The following CDH12 variants were observed in gnomAD, a reference collection of about 807,000 sequenced individuals.
CDH12 encodes the protein cadherin 12.
A neutral mutation model predicts 74.1 loss-of-function variants in CDH12; 41 were observed. The observed-to-expected ratio is 0.55, with a 90% CI of 0.43 to 0.72. The LOEUF is 0.72. Ranked by LOEUF, CDH12 falls within the 30% of genes least tolerant of loss-of-function variation. CDH12 has a pLI of 0.00. For missense variants in CDH12, 945 were observed against 977.2 expected (o/e 0.97, Z 0.44); for synonymous variants, 399 against 355.0 (o/e 1.12, Z -1.39).
At chr5:22,116,321 A>T (rs1745095826) in intron 4 of CDH12, among the ~76,000 whole-genome samples, 1 of 152,146 alleles carries the variant, frequency 6.6e-6, no homozygotes, top group African/African-American at 2.4e-5. Flanking sequence ...CCACAGTTGA[A>T]TTTACCTGAA....
chr5:22,587,809 A>C (rs1055333503), intron 1 of CDH12, among the ~76,000 whole-genome samples: 1 of 151,680 alleles, frequency 6.6e-6, no homozygotes, highest in African/African-American at 2.4e-5. Context: ...TTCAATAGAT[A>C]GATACTAAAG....
At chr5:22,079,836 C>T (rs1436952686) in intron 4 of CDH12, among the ~76,000 whole-genome samples, 1 of 151,836 alleles carries the variant, frequency 6.6e-6, no homozygotes, top group Admixed American at 6.6e-5. Context: ...ATCTTTGCCT[C>T]TCTAAAATCA....
intron 11 of CDH12, among the ~76,000 whole-genome samples, chr5:21,781,922 T>G (rs1362999151): frequency 1.3e-5 from 2 of 152,202 alleles, no homozygotes; most frequent in Non-Finnish European, 2.9e-5. Flanking sequence ...GACATCAAAA[T>G]GTAGTTACTT....
At chr5:22,663,586 T>A (rs1189369446) in intron 1 of CDH12, among the ~76,000 whole-genome samples, 2 of 152,200 alleles carry the variant, frequency 1.3e-5, no homozygotes, top group African/African-American at 4.8e-5. Flanking sequence ...AAAGTACTTA[T>A]CTTGAAAATG....
chr5:22,147,566 A>T (rs967291297), intron 4 of CDH12, among the ~76,000 whole-genome samples: 2 of 150,586 alleles, frequency 1.3e-5, no homozygotes, highest in Admixed American at 1.3e-4. Flanking sequence ...ATTAAGTCAT[A>T]CCTGAGACTG....
Position 22,090,488 on chromosome 5 carries a change from CAA to C in CDH12, c.-186-11628_-186-11627del, listed in dbSNP as rs57410067. Among the ~76,000 whole-genome samples, 1,274 of 130,656 alleles carry C rather than the reference CAA, an allele frequency of 9.8e-3. 13 individuals are homozygous for C. The highest frequency in any genetic ancestry group is 0.031 in the African/African-American group (1,140 of 36,790). 85.7% of individuals were successfully genotyped at this position (130,656 alleles called of 152,430 possible). A position where few individuals can be genotyped will look rare whatever the true frequency, so the allele number is the denominator to read the frequency against. On this transcript the variant is annotated intron_variant, in intron 4 of 14. Transcript: ENST00000382254. The stretch of plus-strand genomic sequence containing the variant: ...AATTAATATAAAACCTCTGTAAACT[CAA>C]AAAAAAAAAAAAGAAGTTGAGGGAA...
At chr5:21,894,232 A>T (rs1322447486) in intron 6 of CDH12, among the ~76,000 whole-genome samples, 3 of 152,040 alleles carry the variant, frequency 2.0e-5, no homozygotes, top group Admixed American at 6.6e-5. Context: ...TACAAAAATT[A>T]GCCAGGCATG....
chr5:22,778,680 G>T (rs1747233071), intron 1 of CDH12, among the ~76,000 whole-genome samples: 1 of 151,954 alleles, frequency 6.6e-6, no homozygotes, highest in African/African-American at 2.4e-5. Context: ...TTTTTAATCA[G>T]TATGTAGGAT....
At chr5:21,769,156 G>T (rs1414645729) in intron 11 of CDH12, among the ~76,000 whole-genome samples, 1 of 152,014 alleles carries the variant, frequency 6.6e-6, no homozygotes, top group South Asian at 2.1e-4. Flanking sequence ...CTAATATCAC[G>T]GTAAAAGACT....
At chr5:22,250,394 C>T (rs1396563896) in intron 3 of CDH12, among the ~76,000 whole-genome samples, 5 of 152,140 alleles carry the variant, frequency 3.3e-5, no homozygotes, top group Non-Finnish European at 4.4e-5. Flanking sequence ...CTGATTCTGG[C>T]TGGCGGCTGG....
intron 5 of CDH12, among the ~76,000 whole-genome samples, chr5:22,009,044 G>A (rs1355186069): frequency 6.6e-6 from 1 of 152,184 alleles, no homozygotes; most frequent in Non-Finnish European, 1.5e-5. Context: ...CTTGTTTACT[G>A]TCTCACACTT....
intron 2 of CDH12, among the ~76,000 whole-genome samples, chr5:22,443,131 A>G (rs1052526501): frequency 5.3e-5 from 8 of 152,162 alleles, no homozygotes; most frequent in Non-Finnish European, 1.0e-4. Flanking sequence ...GATAATGCAT[A>G]TCTACAGGAG....
At chr5:22,535,005 C>T (rs1737767120) in intron 1 of CDH12, among the ~76,000 whole-genome samples, 2 of 146,664 alleles carry the variant, frequency 1.4e-5, no homozygotes, top group East Asian at 2.0e-4. Flanking sequence ...CGGAGTCTCA[C>T]TCTGTCACCC....
In CDH12 at chr5:22,006,998, G is replaced by T. The variant is rs1225843110; in HGVS notation, c.232-31613C>A. The stretch of plus-strand genomic sequence containing the variant: ...ATAATTCATAGGCCAATATTAAAGA[G>T]AATGAACTCATGTTATTTAAAATTA... On this transcript the variant is annotated intron_variant, in intron 5 of 14. Coordinates refer to ENST00000382254, the MANE Select transcript of CDH12 (RefSeq NM_004061.5). Among the ~76,000 whole-genome samples, 5 of 151,942 alleles carry T rather than the reference G, an allele frequency of 3.3e-5. No individual in the cohort carries two copies. In the South Asian group the frequency reaches 1.0e-3, roughly 32 times the overall value.
At chr5:21,788,148 A>G (rs1254643817) in intron 10 of CDH12, among the ~76,000 whole-genome samples, 1 of 152,182 alleles carries the variant, frequency 6.6e-6, no homozygotes, top group East Asian at 1.9e-4. Flanking sequence ...AGACATGTAT[A>G]AACAGACTGT....
At position 21,981,985 on chromosome 5, in the gene CDH12, T is replaced by C. The variant is rs187647332; in HGVS notation, c.232-6600A>G. Among the ~76,000 whole-genome samples the C allele has an allele frequency of 6.0e-3, 910 of 152,282 alleles. 7 individuals carry two copies. Among genetic ancestry groups the C allele is most frequent in the Admixed American group, 9.7e-3 (149 of 15,290 alleles). On this transcript the variant is annotated intron_variant, in intron 5 of 14. Transcript: ENST00000382254. Reference sequence around the variant, plus strand: ...CACCCTGTGTGGCCAGGCCTCTTTTTAAAAATAAGCCTGATAGTTAATTTT... The same window carrying C: ...CACCCTGTGTGGCCAGGCCTCTTTTCAAAAATAAGCCTGATAGTTAATTTT...
At chr5:21,880,510 CCTCCCTCTT>C (rs1752202180) in intron 6 of CDH12, among the ~76,000 whole-genome samples, 3 of 84,810 alleles carry the variant, frequency 3.5e-5, no homozygotes, top group Non-Finnish European at 8.2e-5. Flanking sequence ...TTCCTCCCTC[CCTCCCTCTT>C]TTCTTTCTTC....
intron 5 of CDH12, among the ~76,000 whole-genome samples, chr5:22,069,333 C>T (rs1043108501): frequency 6.6e-6 from 1 of 152,068 alleles, no homozygotes; most frequent in African/African-American, 2.4e-5. Flanking sequence ...GGTGCCAATC[C>T]CTTGCAGGGC....
chr5:22,423,350 A>C (rs576953610), intron 2 of CDH12, among the ~76,000 whole-genome samples: 1 of 152,296 alleles, frequency 6.6e-6, no homozygotes, highest in East Asian at 1.9e-4. Flanking sequence ...GATGTGCAGA[A>C]ACCAAGAGAC....
Sources: allele counts gnomAD v4.1 joint callset (sites outside exome capture counted in the v4.1 genomes callset), GRCh38; gene constraint gnomAD v4.1.1; transcripts MANE v1.5; gene names NCBI Gene and HGNC (gene_info 2026-07-23, HGNC 2026-07-21).